The following IL1RAP variants were observed in gnomAD, a reference collection of about 807,000 sequenced individuals.
The protein encoded by IL1RAP is interleukin-1 receptor accessory protein.
IL1RAP carries 35 observed loss-of-function variants against 60.7 expected under a neutral mutation model. The ratio of observed to expected loss-of-function variants is 0.58; its 90% CI spans 0.44 to 0.76. The LOEUF (loss-of-function observed/expected upper bound fraction) is 0.76, where lower values mean the gene tolerates loss of function less well. Ranked by LOEUF, IL1RAP falls within the 30% of genes least tolerant of loss-of-function variation. The pLI, the probability that IL1RAP is intolerant of heterozygous loss-of-function variation, is 0.00. For missense variants in IL1RAP, 572 were observed against 693.9 expected (o/e 0.82, Z 1.97); for synonymous variants, 268 against 250.9 (o/e 1.07, Z -0.64).
intron 7 of IL1RAP, among the ~76,000 whole-genome samples, chr3:190,626,040 A>G (rs1732236149): frequency 6.6e-6 from 1 of 152,194 alleles, no homozygotes; most frequent in Non-Finnish European, 1.5e-5. Context: ...GATATAATTT[A>G]TCATCTAAAC....
At chr3:190,628,476 C>T (rs1732502490) in intron 8 of IL1RAP, among the ~76,000 whole-genome samples, 1 of 152,180 alleles carries the variant, frequency 6.6e-6, no homozygotes, top group Non-Finnish European at 1.5e-5. Flanking sequence ...AATTCTCATA[C>T]CTGACAGTAA....
Position 190,559,548 on chromosome 3 carries a change from G to T in IL1RAP, c.-2+3332G>T, listed in dbSNP as rs1474203281. On this transcript the variant is annotated intron_variant, in intron 2 of 11. Transcript: ENST00000447382. Reference sequence around the variant, plus strand: ...TTATCCTCTAATCACTACATTAGCTGCATCCCACACACTTGGTATGTTTTA... The same window carrying T: ...TTATCCTCTAATCACTACATTAGCTTCATCCCACACACTTGGTATGTTTTA... Among the ~76,000 whole-genome samples, 5 of 152,044 alleles carry T rather than the reference G, an allele frequency of 3.3e-5. No homozygotes were observed. In the East Asian group the frequency reaches 9.6e-4, roughly 29 times the overall value.
At chr3:190,652,853 T>C (rs1404662671), downstream of IL1RAP, among the ~76,000 whole-genome samples, 5 of 152,364 alleles carry the variant, frequency 3.3e-5, no homozygotes, top group East Asian at 7.7e-4. Flanking sequence ...GGTGACTCTT[T>C]GGAAGATTCA....
intron 1 of IL1RAP, chr3:190,554,582 C>G (rs1198180909): frequency 6.6e-6 from 1 of 152,228 alleles, no homozygotes; most frequent in Non-Finnish European, 1.5e-5. Context: ...TTGTGAATCT[C>G]CAAGAGATAC....
chr3:190,522,815 A>C lies in IL1RAP; in HGVS notation c.-89+8596A>C, dbSNP rs145129054. On this transcript the variant is annotated intron_variant, in intron 1 of 11. Transcript: ENST00000447382. ...GATCTTTCACAACAGAATCATGTGGATACCTTCTGAAATGAGCAGATATCT... is the reference window on the plus strand; with the variant it reads ...GATCTTTCACAACAGAATCATGTGGCTACCTTCTGAAATGAGCAGATATCT... 7.1e-3 allele frequency among the ~76,000 whole-genome samples: 1,077 copies of C among 152,292 alleles called. 2 individuals carry two copies. The highest frequency in any genetic ancestry group is 0.011 in the Non-Finnish European group (747 of 68,002).
intron 7 of IL1RAP, among the ~76,000 whole-genome samples, chr3:190,625,896 C>T (rs1732221493): frequency 6.6e-6 from 1 of 152,102 alleles, no homozygotes; most frequent in Non-Finnish European, 1.5e-5. Flanking sequence ...TTGTTGAATC[C>T]GTGTTCCCTT....
Position 190,532,261 on chromosome 3 carries a change from CTT to C in IL1RAP, c.-89+18060_-89+18061del, listed in dbSNP as rs370264409. On this transcript the variant is annotated intron_variant, in intron 1 of 11. Coordinates refer to ENST00000447382, the MANE Select transcript of IL1RAP (RefSeq NM_002182.4). ...AAAATTACCTCATATAATCATCTTT[CTT>C]TTTTTTTTTTTTTTTTTGAGATGGA... 6.2e-3 allele frequency among the ~76,000 whole-genome samples: 797 copies of C among 128,240 alleles called. 8 individuals carry two copies. The highest frequency in any genetic ancestry group is 0.022 in the African/African-American group (717 of 33,142). 84.1% of individuals were successfully genotyped at this position (128,240 alleles called of 152,430 possible).
Position 190,648,756 on chromosome 3 carries a change from A to G in IL1RAP, c.*51A>G. 1 of 1,544,806 alleles carries G rather than the reference A, an allele frequency of 6.5e-7. No individual in the cohort carries two copies. Among genetic ancestry groups the G allele is most frequent in the Non-Finnish European group, 8.7e-7 (1 of 1,149,776 alleles). On this transcript the variant is annotated 3_prime_UTR_variant, in exon 12 of 12. Transcript: ENST00000447382. ...AACAAGGGGTGCTCCAGGAAGAAAG[A>G]GTCCCCCCAGTCTTCATTCGCAGTT...
intron 3 of IL1RAP, among the ~76,000 whole-genome samples, chr3:190,568,788 T>TA (rs2108640522): frequency 6.6e-6 from 1 of 152,372 alleles, no homozygotes; most frequent in South Asian, 2.1e-4. Flanking sequence ...GGTATACTCC[T>TA]ATTAGCTACT....
chr3:190,589,438 T>C (rs954999407), intron 3 of IL1RAP, among the ~76,000 whole-genome samples: 1 of 152,108 alleles, frequency 6.6e-6, no homozygotes, highest in Non-Finnish European at 1.5e-5. Context: ...TCAAGAAAAA[T>C]CTACACGCTT....
chr3:190,617,663 A>G (rs546584791), intron 5 of IL1RAP, among the ~76,000 whole-genome samples: 3 of 152,326 alleles, frequency 2.0e-5, no homozygotes, highest in East Asian at 1.9e-4. Flanking sequence ...TGGATTCCAA[A>G]TAAATGGTTT....
intron 3 of IL1RAP, among the ~76,000 whole-genome samples, chr3:190,585,157 A>G (rs1279608554): frequency 6.6e-6 from 1 of 152,162 alleles, no homozygotes; most frequent in Non-Finnish European, 1.5e-5. Context: ...AAACTGTAAC[A>G]AAGTGGCTTC....
chr3:190,648,286 T>C, intron 11 of IL1RAP, 52 bp from the exon 12 acceptor site: 2 of 1,527,190 alleles, frequency 1.3e-6, no homozygotes, highest in Non-Finnish European at 1.7e-6. Flanking sequence ...GCCTCAATGC[T>C]TTTGGGGAGT....
intron 3 of IL1RAP, among the ~76,000 whole-genome samples, chr3:190,586,250 G>T (rs1728448445): frequency 6.6e-6 from 1 of 152,186 alleles, no homozygotes. Flanking sequence ...TCTCCACCCA[G>T]TCTTGACAGT....
intron 3 of IL1RAP, among the ~76,000 whole-genome samples, chr3:190,581,679 G>A (rs752221885): frequency 2.4e-4 from 37 of 152,160 alleles, no homozygotes; most frequent in African/African-American, 8.4e-4. Flanking sequence ...TGGTTTTGAC[G>A]ACTCTAAATC....
In IL1RAP at chr3:190,648,971, C is replaced by G; in HGVS notation, c.*266C>G. The G allele has an allele frequency of 8.5e-7, 1 of 1,181,916 alleles. No homozygotes were observed. Among genetic ancestry groups the G allele is most frequent in the Non-Finnish European group, 1.0e-6 (1 of 954,056 alleles). The allele number at this position is 1,181,916 out of a possible 1,614,324, so 73.2% of individuals were successfully genotyped here. Reference sequence around the variant, plus strand: ...AAGACTTGTTCAATGCGAATTTCCCCTTCTACATTGTCTATCCCTGTTTTT... The same window carrying G: ...AAGACTTGTTCAATGCGAATTTCCCGTTCTACATTGTCTATCCCTGTTTTT... On this transcript the variant is annotated 3_prime_UTR_variant, in exon 12 of 12. Transcript: ENST00000447382.
intron 9 of IL1RAP, among the ~76,000 whole-genome samples, chr3:190,634,357 C>T (rs747328008): frequency 2.7e-4 from 40 of 148,250 alleles, no homozygotes; most frequent in Non-Finnish European, 3.7e-4. Flanking sequence ...GGCGCGATCT[C>T]GGCTCAGTGC....
chr3:190,535,355 T>G (rs1292374412), intron 1 of IL1RAP, among the ~76,000 whole-genome samples: 1 of 152,102 alleles, frequency 6.6e-6, no homozygotes, highest in Non-Finnish European at 1.5e-5. Flanking sequence ...AACAATAGAG[T>G]TTAGTGGTCA....
At chr3:190,565,390 C>T (rs1402793061) in intron 3 of IL1RAP, among the ~76,000 whole-genome samples, 1 of 152,202 alleles carries the variant, frequency 6.6e-6, no homozygotes, top group African/African-American at 2.4e-5. Context: ...ATAACCATGA[C>T]CTCAGTGTTC....
Sources: allele counts gnomAD v4.1 joint callset (sites outside exome capture counted in the v4.1 genomes callset), GRCh38; gene constraint gnomAD v4.1.1; transcripts MANE v1.5; gene names NCBI Gene and HGNC (gene_info 2026-07-23, HGNC 2026-07-21).